VTA1: variants seen among roughly 807,000 people sequenced by gnomAD.
The protein encoded by VTA1 is vacuolar protein sorting-associated protein VTA1 homolog.
Under a neutral mutation model 36.9 loss-of-function variants are expected in VTA1, and 24 were observed. The observed-to-expected ratio is 0.65, with a 90% CI of 0.47 to 0.91. VTA1 has a LOEUF of 0.91. Ranked by LOEUF, VTA1 falls within the 40% of genes least tolerant of loss-of-function variation. The pLI, the probability that VTA1 is intolerant of heterozygous loss-of-function variation, is 0.00. For synonymous variants in VTA1, 142 were observed against 130.2 expected, an observed-to-expected ratio of 1.09 and a Z score of -0.62; for missense variants, 393 against 377.2, an observed-to-expected ratio of 1.04 and a Z score of -0.35.
rs1776160545 is a variant in VTA1, at chr6:142,224,110, AAGGTG to A, written c.*5471_*5475del. 6.6e-6 allele frequency: 1 copy of A among 152,198 alleles called. No individual in the cohort carries two copies. The highest frequency in any genetic ancestry group is 2.4e-5 in the African/African-American group (1 of 41,456). 9.4% of individuals were successfully genotyped at this position (152,198 alleles called of 1,614,324 possible). On this transcript the variant is annotated 3_prime_UTR_variant, in exon 8 of 8. Coordinates refer to ENST00000367630, the MANE Select transcript of VTA1 (RefSeq NM_016485.5). ...GCAATTAAGGTTACATGAGATCATA[AAGGTG>A]AGGCCCTAATCCTATAGGTCTGCTG...
intron 5 of VTA1, among the ~76,000 whole-genome samples, chr6:142,196,429 A>G (rs182376078): frequency 5.3e-5 from 8 of 152,336 alleles, no homozygotes; most frequent in East Asian, 1.9e-4. Flanking sequence ...ATTTCCTGCA[A>G]AAAGCATATA....
At position 142,169,601 on chromosome 6, in the gene VTA1, T is replaced by C. The variant is rs372032473; in HGVS notation, c.259T>C (p.Cys87Arg). ...NEAITQEIVG[C>R]AHLENYALKM... The stretch of plus-strand genomic sequence containing the variant: ...AGCTATTACTCAAGAAATAGTGGGC[T>C]GTGCCCATTTGGAGAATTATGCTTT... Residue 87 changes from cysteine (C) to arginine (R), a missense_variant, in exon 3 of 8, where the codon TGT becomes CGT. Coordinates refer to ENST00000367630, the MANE Select transcript of VTA1 (RefSeq NM_016485.5). The C allele has an allele frequency of 5.6e-6, 9 of 1,609,608 alleles. No homozygotes were observed. The highest frequency in any genetic ancestry group is 7.6e-6 in the Non-Finnish European group (9 of 1,178,770).
Position 142,189,349 on chromosome 6 carries a change from G to C in VTA1, c.412-77G>C, listed in dbSNP as rs1196306406. The C allele has an allele frequency of 4.1e-6, 5 of 1,209,402 alleles. No homozygotes were observed. In the African/African-American group the frequency reaches 6.1e-5, roughly 15 times the overall value. The allele number at this position is 1,209,402 out of a possible 1,614,324, so 74.9% of individuals were successfully genotyped here. A position where few individuals can be genotyped will look rare whatever the true frequency, so the allele number is the denominator to read the frequency against. On this transcript the variant is annotated intron_variant, in intron 4 of 7. Transcript: ENST00000367630. ...AAAATAGGTTTTATCTCAGAAATAT[G>C]ATATAGGTCATCATAAATGTTTACT...
rs556514304 is a variant in VTA1, at chr6:142,222,527, T to A, written c.*3884T>A. 6.6e-6 allele frequency: 1 copy of A among 152,246 alleles called. No individual in the cohort carries two copies. The highest frequency in any genetic ancestry group is 1.5e-5 in the Non-Finnish European group (1 of 68,042). 9.4% of individuals were successfully genotyped at this position (152,246 alleles called of 1,614,324 possible). A position where few individuals can be genotyped will look rare whatever the true frequency, so the allele number is the denominator to read the frequency against. ...AGAATTTATATATGACTTGTAATTC[T>A]AGAAATTTGAGAATTCTATGTATGC... On this transcript the variant is annotated 3_prime_UTR_variant, in exon 8 of 8. Transcript: ENST00000367630.
At chr6:142,155,901 CTG>C (rs1287167935) in intron 1 of VTA1, among the ~76,000 whole-genome samples, 1 of 152,178 alleles carries the variant, frequency 6.6e-6, no homozygotes, top group African/African-American at 2.4e-5. Flanking sequence ...TTCTTCTAGA[CTG>C]TAAACTGAGG....
chr6:142,154,593 A>G (rs1249705647), intron 1 of VTA1, among the ~76,000 whole-genome samples: 3 of 152,120 alleles, frequency 2.0e-5, no homozygotes, highest in Non-Finnish European at 4.4e-5. Context: ...TTGGCAACAC[A>G]TGAATAAGTG....
intron 5 of VTA1, among the ~76,000 whole-genome samples, chr6:142,192,448 A>G (rs550556354): frequency 6.6e-6 from 1 of 152,202 alleles, no homozygotes; most frequent in African/African-American, 2.4e-5. Flanking sequence ...ATGTAGAATT[A>G]ATGATATAAA....
intron 5 of VTA1, among the ~76,000 whole-genome samples, chr6:142,194,755 G>T (rs1320871770): frequency 6.6e-6 from 1 of 151,936 alleles, no homozygotes; most frequent in Non-Finnish European, 1.5e-5. Flanking sequence ...TGACTATTGT[G>T]CCAGTGGCAA....
chr6:142,198,747 CAAG>C, intron 6 of VTA1, 132 bp downstream of exon 6: 1 of 777,098 alleles, frequency 1.3e-6, no homozygotes. Context: ...TTTGAACCCA[CAAG>C]AAACATTAAA....
chr6:142,200,766 CTT>C (rs1325522234), intron 6 of VTA1, among the ~76,000 whole-genome samples: 6 of 151,902 alleles, frequency 3.9e-5, no homozygotes, highest in African/African-American at 1.4e-4. Context: ...GCATGAGCCT[CTT>C]GTTTTCTCTG....
intron 1 of VTA1, among the ~76,000 whole-genome samples, chr6:142,157,940 T>C (rs1299738010): frequency 1.3e-5 from 2 of 149,786 alleles, no homozygotes; most frequent in Non-Finnish European, 3.0e-5. Context: ...GGAGGAGCAA[T>C]TCTTTGTTGT....
At chr6:142,151,883 A>G (rs112959892) in intron 1 of VTA1, among the ~76,000 whole-genome samples, 2,340 of 152,178 alleles carry the variant, frequency 0.015, 50 homozygotes, top group South Asian at 0.07. Context: ...AAAATACAGA[A>G]ATTAGCTGGA....
intron 4 of VTA1, among the ~76,000 whole-genome samples, chr6:142,180,139 G>C (rs1459033399): frequency 6.6e-6 from 1 of 152,220 alleles, no homozygotes; most frequent in Non-Finnish European, 1.5e-5. Flanking sequence ...CATCCCTAGT[G>C]CCTGATTTTC....
In VTA1 at chr6:142,170,367, T is replaced by C. The variant is rs748574017; in HGVS notation, c.357T>C (p.Tyr119=). Residue 119 remains tyrosine, a synonymous_variant, in exon 4 of 8, where the codon TAT becomes TAC. Transcript: ENST00000367630. ...RFHKNMIKSF[Y]TASLLIDVIT... is the part of the protein sequence containing the mutation. ...CCAGAAACATGATCAAGTCCTTCTA[T>C]ACTGCAAGTCTTTTGATAGATGTCA... The C allele has an allele frequency of 3.8e-5, 61 of 1,608,848 alleles. No homozygotes were observed. In the Admixed American group the frequency reaches 1.0e-3, roughly 27 times the overall value.
chr6:142,160,007 T>C (rs2114635196), intron 1 of VTA1, among the ~76,000 whole-genome samples: 1 of 152,304 alleles, frequency 6.6e-6, no homozygotes, highest in Non-Finnish European at 1.5e-5. Context: ...ATGGATCACA[T>C]TTTCCTATCT....
intron 6 of VTA1, among the ~76,000 whole-genome samples, chr6:142,200,683 A>T (rs1048115044): frequency 6.6e-6 from 1 of 152,038 alleles, no homozygotes; most frequent in Non-Finnish European, 1.5e-5. Context: ...CATGACATAA[A>T]GATAAATATT....
intron 1 of VTA1, among the ~76,000 whole-genome samples, chr6:142,155,409 A>G (rs1778645053): frequency 6.6e-6 from 1 of 152,172 alleles, no homozygotes; most frequent in South Asian, 2.1e-4. Context: ...AACCTAAAAT[A>G]TATATCATTA....
intron 4 of VTA1, among the ~76,000 whole-genome samples, chr6:142,177,352 A>T (rs891436475): frequency 2.0e-5 from 3 of 152,216 alleles, no homozygotes; most frequent in South Asian, 2.1e-4. Flanking sequence ...ACTTTGGGTA[A>T]GTTAACTTAT....
chr6:142,153,702 T>C (rs1778609778), intron 1 of VTA1, among the ~76,000 whole-genome samples: 1 of 152,148 alleles, frequency 6.6e-6, no homozygotes. Flanking sequence ...ATAGGCTTAT[T>C]GTTTATGTGT....
Sources: gnomAD v4.1 joint callset for allele counts (sites outside exome capture counted in the v4.1 genomes callset) on GRCh38, gnomAD v4.1.1 for gene constraint, MANE v1.5 for transcripts, NCBI Gene and HGNC (gene_info 2026-07-23, HGNC 2026-07-21) for gene names.